CYP26C1: variants seen among roughly 807,000 people sequenced by gnomAD.
CYP26C1 encodes cytochrome P450 26C1.
CYP26C1 carries 41 observed loss-of-function variants against 39.1 expected under a neutral mutation model. The observed-to-expected ratio is 1.05, with a 90% CI of 0.82 to 1.36. The LOEUF (loss-of-function observed/expected upper bound fraction) is 1.36. CYP26C1 is among the 40% of genes most tolerant of loss of function. The pLI is 0.00. For missense variants in CYP26C1, 833 were observed against 752.0 expected (o/e 1.11, Z -1.26); for synonymous variants, 362 against 350.8 (o/e 1.03, Z -0.36).
intron 1 of CYP26C1, 76 bp downstream of exon 1, chr10:93,061,543 A>C: frequency 6.7e-7 from 1 of 1,501,394 alleles, no homozygotes; most frequent in Non-Finnish European, 9.0e-7. Flanking sequence ...CCTCAGTCTC[A>C]ATGCCCATGG....
In CYP26C1 at chr10:93,062,961, T is replaced by C; in HGVS notation, c.671T>C (p.Leu224Pro). 1 of 1,600,492 alleles carries C rather than the reference T, an allele frequency of 6.2e-7. No homozygotes were observed. Among genetic ancestry groups the C allele is most frequent in the Non-Finnish European group, 8.5e-7 (1 of 1,176,732 alleles). ...FEQLVENLFSLPLDVPFSGLR... is the reference protein window; with the variant it reads ...FEQLVENLFSPPLDVPFSGLR... ...CAGCTCGTGGAGAACCTCTTCTCAC[T>C]GCCTCTGGACGTTCCCTTCAGTGGC... The change falls in exon 3 of 6, where the codon CTG (leucine) becomes CCG (proline). Residue 224 changes from leucine to proline, a missense_variant. Transcript: ENST00000651965.
At position 93,066,241 on chromosome 10, in the gene CYP26C1, G is replaced by T; in HGVS notation, c.1147G>T (p.Val383Leu). The T allele has an allele frequency of 6.8e-7, 1 of 1,469,044 alleles. No homozygotes were observed. The highest frequency in any genetic ancestry group is 2.7e-5 in the East Asian group (1 of 36,584). The allele number at this position is 1,469,044 out of a possible 1,614,324, so 91.0% of individuals were successfully genotyped here. A position where few individuals can be genotyped will look rare whatever the true frequency, so the allele number is the denominator to read the frequency against. ...GGAGGTGCTGCGCCTCCTGCCGCCA[G>T]TGTCCGGGGGCTACCGCACCGCCCT... ...VKEVLRLLPP[V>L]SGGYRTALRT... The change falls in exon 5 of 6, where the codon GTG becomes TTG. Residue 383 changes from valine (V) to leucine (L), a missense_variant. Val to Leu is a conservative substitution (Grantham distance 32). Coordinates refer to ENST00000651965, the MANE Select transcript of CYP26C1 (RefSeq NM_183374.3).
chr10:93,061,511 C>T (rs1344811249), intron 1 of CYP26C1, 44 bp downstream of exon 1: 5 of 1,542,988 alleles, frequency 3.2e-6, no homozygotes, highest in South Asian at 1.2e-5. Flanking sequence ...GTCCCTTCTT[C>T]CCCCGGCTCC....
At chr10:93,063,813 T>C in intron 3 of CYP26C1, 2 of 985,660 alleles carry the variant, frequency 2.0e-6, no homozygotes, top group Non-Finnish European at 2.4e-6. Flanking sequence ...TAACCTCATC[T>C]CCTCCGACTA....
Position 93,069,001 on chromosome 10 carries a change from C to G in CYP26C1, c.*304C>G. On this transcript the variant is annotated 3_prime_UTR_variant, in exon 6 of 6. Coordinates refer to ENST00000651965, the MANE Select transcript of CYP26C1 (RefSeq NM_183374.3). ...GGAATAGATAGATCCCCACGAGGTG[C>G]TGCTTGGCTTCCCCTTCCCGAGCCA... 1 of 325,342 alleles carries G rather than the reference C, an allele frequency of 3.1e-6. No homozygotes were observed. The highest frequency in any genetic ancestry group is 5.3e-5 in the East Asian group (1 of 18,820). 20.2% of individuals were successfully genotyped at this position (325,342 alleles called of 1,614,324 possible). A position where few individuals can be genotyped will look rare whatever the true frequency, so the allele number is the denominator to read the frequency against.
In CYP26C1 at chr10:93,062,042, C is replaced by A; in HGVS notation, c.237C>A (p.Arg79=). 6.3e-7 allele frequency: 1 copy of A among 1,576,718 alleles called. No homozygotes were observed. Among genetic ancestry groups the A allele is most frequent in the East Asian group, 2.3e-5 (1 of 43,380 alleles). The change falls in exon 2 of 6, where the codon CGC becomes CGA. Residue 79 remains arginine, a synonymous_variant. Coordinates refer to ENST00000651965, the MANE Select transcript of CYP26C1 (RefSeq NM_183374.3). Reference sequence around the variant, plus strand: ...GCTTCCACAGTTCTCGCCGAGAGCGCTATGGGACAGTGTTCAAGACGCACC... The same window carrying A: ...GCTTCCACAGTTCTCGCCGAGAGCGATATGGGACAGTGTTCAAGACGCACC... ...GSRFHSSRRE[R]YGTVFKTHLL...
rs747824873 is a variant in CYP26C1, at chr10:93,064,479, C to T, written c.804C>T (p.Asp268=). Residue 268 remains aspartate, a synonymous_variant, in exon 4 of 6, where the codon GAC becomes GAT. Coordinates refer to ENST00000651965, the MANE Select transcript of CYP26C1 (RefSeq NM_183374.3). ...DKAAEPGDAL[D]LIIHSARELG... is the part of the protein sequence containing the mutation. ...CTGCAGAGCCGGGTGATGCCCTCGA[C>T]CTAATCATTCACAGTGCAAGGGAGC... 1.9e-6 allele frequency: 3 copies of T among 1,614,120 alleles called. No homozygotes were observed. Among genetic ancestry groups the T allele is most frequent in the Non-Finnish European group, 2.5e-6 (3 of 1,180,024 alleles).
Position 93,068,304 on chromosome 10 carries a change from C to A in CYP26C1, c.1192-16C>A, listed in dbSNP as rs773846644. ...AGGTGCCTCGTGGTCAGGCTGATCT[C>A]CTCGCCTCTCTGCAGGGCTACCAGA... On this transcript the variant is annotated splice_polypyrimidine_tract_variant and intron_variant, in intron 5 of 5. Coordinates refer to ENST00000651965, the MANE Select transcript of CYP26C1 (RefSeq NM_183374.3). The A allele has an allele frequency of 1.8e-5, 27 of 1,496,756 alleles. No individual in the cohort carries two copies. Among genetic ancestry groups the A allele is most frequent in the Non-Finnish European group, 2.4e-5 (27 of 1,123,684 alleles). The allele number at this position is 1,496,756 out of a possible 1,614,324, so 92.7% of individuals were successfully genotyped here. A position where few individuals can be genotyped will look rare whatever the true frequency, so the allele number is the denominator to read the frequency against.
intron 3 of CYP26C1, 102 bp from the exon 4 acceptor site, chr10:93,064,279 G>A (rs1404146471): frequency 6.8e-7 from 1 of 1,465,398 alleles, no homozygotes; most frequent in Non-Finnish European, 9.0e-7. Flanking sequence ...GTTAACACAA[G>A]GATGTTGGCA....
intron 1 of CYP26C1, 30 bp from the exon 2 acceptor site, chr10:93,061,980 C>G: frequency 6.5e-7 from 1 of 1,543,282 alleles, no homozygotes; most frequent in Non-Finnish European, 8.8e-7. Flanking sequence ...CCCAGAAGTT[C>G]CAGCTCTCCA....
chr10:93,066,562 C>A (rs929641263), intron 5 of CYP26C1, among the ~76,000 whole-genome samples: 1 of 152,182 alleles, frequency 6.6e-6, no homozygotes, highest in Non-Finnish European at 1.5e-5. Flanking sequence ...CGGTTCGGAA[C>A]GGTCAATTCA....
Position 93,066,080 on chromosome 10 carries a change from AG to A in CYP26C1, c.990del (p.Leu331TrpfsTer77). ...IAKIREELVA[Q>X]GLGRACGCAP... is the part of the protein sequence containing the mutation. ...AAGATTCGGGAGGAGCTGGTGGCGCAGGGGCTGGGGCGCGCGTGCGGCTGCG... is the reference window on the plus strand; with the variant it reads ...AAGATTCGGGAGGAGCTGGTGGCGCAGGGCTGGGGCGCGCGTGCGGCTGCG... On this transcript the variant is annotated frameshift_variant, in exon 5 of 6. Coordinates refer to ENST00000651965, the MANE Select transcript of CYP26C1 (RefSeq NM_183374.3). LOFTEE classifies it high-confidence loss of function. The A allele has an allele frequency of 6.9e-7, 1 of 1,455,738 alleles. No individual in the cohort carries two copies. The highest frequency in any genetic ancestry group is 9.1e-7 in the Non-Finnish European group (1 of 1,104,548). 90.2% of individuals were successfully genotyped at this position (1,455,738 alleles called of 1,614,324 possible).
At position 93,068,350 on chromosome 10, in the gene CYP26C1, A is replaced by G; in HGVS notation, c.1222A>G (p.Met408Val). 2 of 1,550,410 alleles carry G rather than the reference A, an allele frequency of 1.3e-6. No homozygotes were observed. The highest frequency in any genetic ancestry group is 2.3e-5 in the East Asian group (1 of 44,084). Residue 408 changes from methionine (M) to valine (V), a missense_variant, in exon 6 of 6, where the codon ATG (methionine) becomes GTG (valine). Coordinates refer to ENST00000651965, the MANE Select transcript of CYP26C1 (RefSeq NM_183374.3). ...GYQIPKGWSV[M>V]YSIRDTHETA... ...CCAGATCCCCAAGGGCTGGAGCGTG[A>G]TGTATAGCATCCGGGACACGCACGA...
chr10:93,061,956 G>A, intron 1 of CYP26C1, 54 bp from the exon 2 acceptor site: 1 of 1,520,154 alleles, frequency 6.6e-7, no homozygotes, highest in Non-Finnish European at 8.9e-7. Flanking sequence ...GTCTGGGTCA[G>A]ATCCCAGCCC....
chr10:93,063,174 GC>G, intron 3 of CYP26C1, 179 bp downstream of exon 3: 2 of 1,377,180 alleles, frequency 1.5e-6, no homozygotes, highest in South Asian at 3.5e-5. Context: ...TCTGGGCCTG[GC>G]CTCTGTGCTG....
rs746917460 is a variant in CYP26C1 at position 93,064,476 on chromosome 10, C to T, written c.801C>T (p.Leu267=). The T allele has an allele frequency of 6.0e-5, 97 of 1,614,032 alleles. No homozygotes were observed. The highest frequency in any genetic ancestry group is 7.7e-5 in the Non-Finnish European group (91 of 1,180,048). Residue 267 remains leucine (L), a synonymous_variant, in exon 4 of 6, where the codon CTC becomes CTT. Transcript: ENST00000651965. ...AGGCTGCAGAGCCGGGTGATGCCCT[C>T]GACCTAATCATTCACAGTGCAAGGG... ...EDKAAEPGDA[L]DLIIHSAREL...
intron 5 of CYP26C1, 74 bp downstream of exon 5, chr10:93,066,359 G>C: frequency 2.0e-6 from 2 of 977,504 alleles, no homozygotes; most frequent in Non-Finnish European, 2.7e-6. Flanking sequence ...GCCGCCTGCC[G>C]CGGCGGCGCC....
At chr10:93,065,808 C>T (rs1165421325) in intron 4 of CYP26C1, 148 bp from the exon 5 acceptor site, 2 of 676,628 alleles carry the variant, frequency 3.0e-6, no homozygotes, top group African/African-American at 1.9e-5. Flanking sequence ...AAACCGTACA[C>T]ACAGTCGCGG....
In CYP26C1 at chr10:93,068,751, G is replaced by A; in HGVS notation, c.*54G>A. On this transcript the variant is annotated 3_prime_UTR_variant, in exon 6 of 6. Coordinates refer to ENST00000651965, the MANE Select transcript of CYP26C1 (RefSeq NM_183374.3). ...CCGGTGGCTATGGCGCGCACGCAGCGCCACCCATCTGCCGCTCCCCATTGT... is the reference window on the plus strand; with the variant it reads ...CCGGTGGCTATGGCGCGCACGCAGCACCACCCATCTGCCGCTCCCCATTGT... 3 of 1,460,340 alleles carry A rather than the reference G, an allele frequency of 2.1e-6. No individual in the cohort carries two copies. Among genetic ancestry groups the A allele is most frequent in the South Asian group, 3.0e-5 (2 of 67,270 alleles). 90.5% of individuals were successfully genotyped at this position (1,460,340 alleles called of 1,614,324 possible). A position where few individuals can be genotyped will look rare whatever the true frequency, so the allele number is the denominator to read the frequency against.
Sources: gnomAD v4.1 joint callset for allele counts (sites outside exome capture counted in the v4.1 genomes callset) on GRCh38, gnomAD v4.1.1 for gene constraint, MANE v1.5 for transcripts, NCBI Gene and HGNC (gene_info 2026-07-23, HGNC 2026-07-21) for gene names.